The following APBA1 variants were observed in gnomAD, a reference collection of about 807,000 sequenced individuals.
APBA1 encodes the protein amyloid beta precursor protein binding family A member 1.
APBA1 carries 55 observed loss-of-function variants against 86.6 expected under a neutral mutation model. That is an observed-to-expected ratio of 0.64 (90% CI 0.51 to 0.80). The LOEUF (loss-of-function observed/expected upper bound fraction) is 0.80. APBA1 is among the 30% of genes least tolerant of loss of function. APBA1 has a pLI of 0.00. For missense variants in APBA1, 1,090 were observed against 1,183.0 expected (o/e 0.92, Z 1.15); for synonymous variants, 511 against 493.9 (o/e 1.03, Z -0.46).
At chr9:69,495,198 C>A (rs751942504) in intron 2 of APBA1, among the ~76,000 whole-genome samples, 2 of 152,042 alleles carry the variant, frequency 1.3e-5, no homozygotes, top group African/African-American at 2.4e-5. Flanking sequence ...GGGTAATGCA[C>A]ACTCCCCCTC....
At chr9:69,482,429 T>C (rs1007574959) in intron 2 of APBA1, among the ~76,000 whole-genome samples, 57 of 151,250 alleles carry the variant, frequency 3.8e-4, no homozygotes, top group Admixed American at 9.2e-4. Context: ...TGAGATACCA[T>C]CTCACACCAG....
intron 1 of APBA1, among the ~76,000 whole-genome samples, chr9:69,608,651 C>T (rs1468014393): frequency 2.0e-5 from 3 of 152,118 alleles, no homozygotes; most frequent in Admixed American, 6.6e-5. Flanking sequence ...CTTTAAGAGG[C>T]CCCCCTTTGA....
At chr9:69,629,957 T>C (rs918951059) in intron 1 of APBA1, among the ~76,000 whole-genome samples, 1 of 152,044 alleles carries the variant, frequency 6.6e-6, no homozygotes, top group Admixed American at 6.6e-5. Flanking sequence ...CAGATATAGA[T>C]TCCCAACATC....
chr9:69,555,533 A>G (rs1836847683), intron 1 of APBA1, among the ~76,000 whole-genome samples: 1 of 152,238 alleles, frequency 6.6e-6, no homozygotes, highest in South Asian at 2.1e-4. Flanking sequence ...ATCTCAATAT[A>G]GAAAAGGGTG....
chr9:69,454,400 C>A (rs181487011), intron 8 of APBA1, among the ~76,000 whole-genome samples: 90 of 152,332 alleles, frequency 5.9e-4, no homozygotes, highest in African/African-American at 2.1e-3. Flanking sequence ...AATACACTGG[C>A]TACTGAGATT....
chr9:69,434,843 G>A (rs985788389), intron 11 of APBA1, among the ~76,000 whole-genome samples: 48 of 151,854 alleles, frequency 3.2e-4, no homozygotes, highest in African/African-American at 1.1e-3. Flanking sequence ...TGGGCACAAC[G>A]TGCAGGTTTG....
At chr9:69,488,765 T>C (rs1229453079) in intron 2 of APBA1, among the ~76,000 whole-genome samples, 2 of 152,158 alleles carry the variant, frequency 1.3e-5, no homozygotes, top group Non-Finnish European at 2.9e-5. Flanking sequence ...TAAAGCTTGT[T>C]AATAATCAAC....
At chr9:69,489,434 C>A (rs1835666354) in intron 2 of APBA1, among the ~76,000 whole-genome samples, 1 of 152,070 alleles carries the variant, frequency 6.6e-6, no homozygotes, top group Non-Finnish European at 1.5e-5. Context: ...ATGTAGAAAC[C>A]TGAAACTGGA....
intron 1 of APBA1, among the ~76,000 whole-genome samples, chr9:69,669,189 T>C (rs955481663): frequency 2.6e-5 from 4 of 152,206 alleles, no homozygotes; most frequent in African/African-American, 9.7e-5. Flanking sequence ...GAGAGTTAAC[T>C]TCAGATTTTA....
intron 10 of APBA1, among the ~76,000 whole-genome samples, chr9:69,445,750 T>C (rs774224462): frequency 3.9e-5 from 6 of 152,182 alleles, no homozygotes; most frequent in Non-Finnish European, 8.8e-5. Context: ...TCAATACCTA[T>C]AATTCTACTC....
intron 3 of APBA1, among the ~76,000 whole-genome samples, chr9:69,472,900 G>C (rs1835387471): frequency 6.6e-6 from 1 of 152,188 alleles, no homozygotes; most frequent in Non-Finnish European, 1.5e-5. Context: ...AAAAATAGTA[G>C]TTTTAATTGT....
intron 1 of APBA1, among the ~76,000 whole-genome samples, chr9:69,523,522 T>TATAC (rs1836295648): frequency 2.6e-5 from 1 of 37,780 alleles, no homozygotes; most frequent in Non-Finnish European, 6.0e-5. Context: ...TATATATATA[T>TATAC]ATATATATAT....
chr9:69,469,810 G>A (rs1438055698), intron 4 of APBA1, among the ~76,000 whole-genome samples: 2 of 152,204 alleles, frequency 1.3e-5, no homozygotes, highest in African/African-American at 2.4e-5. Flanking sequence ...TGCATTTATA[G>A]TGTTATGGAA....
intron 2 of APBA1, among the ~76,000 whole-genome samples, chr9:69,511,688 G>A (rs1836044797): frequency 6.6e-6 from 1 of 151,904 alleles, no homozygotes; most frequent in Non-Finnish European, 1.5e-5. Context: ...GTCCAACAAT[G>A]ACAGACTGGA....
intron 2 of APBA1, among the ~76,000 whole-genome samples, chr9:69,487,269 T>C (rs1382866993): frequency 6.6e-6 from 1 of 152,036 alleles, no homozygotes; most frequent in Admixed American, 6.5e-5. Context: ...GGGCCATTCA[T>C]TCAATACTGA....
chr9:69,562,345 C>G (rs1427071374), intron 1 of APBA1, among the ~76,000 whole-genome samples: 1 of 151,692 alleles, frequency 6.6e-6, no homozygotes, highest in South Asian at 2.1e-4. Flanking sequence ...ATTACTAGTA[C>G]CTTCATATAT....
At chr9:69,563,324 T>C (rs575691796) in intron 1 of APBA1, among the ~76,000 whole-genome samples, 49 of 99,526 alleles carry the variant, frequency 4.9e-4, no homozygotes, top group African/African-American at 1.5e-3. Context: ...AAAAGATTTT[T>C]CTACTAAATT....
In APBA1 at chr9:69,658,228, CTTTCTTTCTTTCTT is replaced by C. The variant is rs1564104718; in HGVS notation, c.-70+13911_-70+13924del. Among the ~76,000 whole-genome samples, 12 of 15,104 alleles carry C rather than the reference CTTTCTTTCTTTCTT, an allele frequency of 7.9e-4. 1 individual carries two copies. Among genetic ancestry groups the C allele is most frequent in the African/African-American group, 1.0e-3 (11 of 10,494 alleles). 9.9% of individuals were successfully genotyped at this position (15,104 alleles called of 152,430 possible). ...TCCTACTCAAGTCCTTTCTCTCTTTCTTTCTTTCTTTCTTTCTTTCTTTCTTTCTTTCTTTCTTT... is the reference window on the plus strand; with the variant it reads ...TCCTACTCAAGTCCTTTCTCTCTTTCTCTTTCTTTCTTTCTTTCTTTCTTT... On this transcript the variant is annotated intron_variant, in intron 1 of 12. Coordinates refer to ENST00000265381, the MANE Select transcript of APBA1 (RefSeq NM_001163.4).
intron 4 of APBA1, 134 bp from the exon 5 acceptor site, chr9:69,468,102 ATC>A: frequency 1.9e-6 from 2 of 1,035,978 alleles, no homozygotes; most frequent in Non-Finnish European, 2.8e-6. Flanking sequence ...GGTCTGAGGC[ATC>A]TCTCTGTGTC....
Sources: gnomAD v4.1 joint callset for allele counts (sites outside exome capture counted in the v4.1 genomes callset) on GRCh38, gnomAD v4.1.1 for gene constraint, MANE v1.5 for transcripts, NCBI Gene and HGNC (gene_info 2026-07-23, HGNC 2026-07-21) for gene names.